CHRDL1: variants seen among roughly 807,000 people sequenced by gnomAD.
CHRDL1 encodes chordin-like protein 1.
Under a neutral mutation model 40.9 loss-of-function variants are expected in CHRDL1, and 19 were observed. The ratio of observed to expected loss-of-function variants is 0.46; its 90% confidence interval spans 0.32 to 0.68. CHRDL1 has a LOEUF of 0.68. CHRDL1 is among the 30% of genes least tolerant of loss of function. CHRDL1 has a pLI of 0.03. For synonymous variants in CHRDL1, 136 were observed against 123.4 expected (o/e 1.10, Z -0.68); for missense variants, 329 against 352.1 (o/e 0.93, Z 0.53).
chrX:110,716,125 T>A (rs912320947), intron 6 of CHRDL1, among the ~76,000 whole-genome samples: 2 of 112,262 alleles, frequency 1.8e-5, no homozygotes, highest in African/African-American at 3.2e-5. Flanking sequence ...CAAAAAGCAA[T>A]GTTAACTGTA....
chrX:110,679,226 C>T (rs1338721318), intron 11 of CHRDL1, 110 bp downstream of exon 11: 1 of 554,998 alleles, frequency 1.8e-6, no homozygotes, highest in Non-Finnish European at 3.2e-6. Flanking sequence ...AGTGTTGATA[C>T]TGAGCAGTGC....
At chrX:110,747,225 C>A (rs1603218153) in intron 4 of CHRDL1, among the ~76,000 whole-genome samples, 1 of 110,965 alleles carries the variant, frequency 9.0e-6, no homozygotes, top group Non-Finnish European at 1.9e-5. Flanking sequence ...CAGATGGCTT[C>A]ATCCAGATGC....
At chrX:110,763,803 A>C (rs931552404) in intron 2 of CHRDL1, among the ~76,000 whole-genome samples, 4 of 111,785 alleles carry the variant, frequency 3.6e-5, no homozygotes, top group African/African-American at 1.3e-4. Context: ...TAATTATTTA[A>C]GGAATCTCCA....
At chrX:110,746,529 C>T (rs1569477818) in intron 4 of CHRDL1, among the ~76,000 whole-genome samples, 1 of 111,078 alleles carries the variant, frequency 9.0e-6, no homozygotes, top group Non-Finnish European at 1.9e-5. Context: ...CATACTCACA[C>T]AGGCACCTCT....
chrX:110,709,686 C>T (rs1427038393), intron 6 of CHRDL1, among the ~76,000 whole-genome samples: 2 of 111,995 alleles, frequency 1.8e-5, no homozygotes, highest in Non-Finnish European at 3.8e-5. Flanking sequence ...GTACAATTTA[C>T]AAAGTTATAA....
intron 11 of CHRDL1, among the ~76,000 whole-genome samples, chrX:110,678,573 G>C (rs182204600): frequency 7.6e-4 from 84 of 110,920 alleles, no homozygotes; most frequent in African/African-American, 2.5e-3. Flanking sequence ...CCTCCTCCCC[G>C]AAGCCTTCCC....
chrX:110,759,035 T>C (rs963533338), intron 4 of CHRDL1, among the ~76,000 whole-genome samples: 4 of 111,865 alleles, frequency 3.6e-5, no homozygotes, highest in Non-Finnish European at 3.8e-5. Flanking sequence ...CAAAGTGTCA[T>C]TGAGGGAGCC....
At chrX:110,729,528 T>C (rs1015985238) in intron 4 of CHRDL1, among the ~76,000 whole-genome samples, 4 of 111,934 alleles carry the variant, frequency 3.6e-5, no homozygotes, top group Non-Finnish European at 7.5e-5. Flanking sequence ...AAGTAATTCA[T>C]ACTGAAATGA....
chrX:110,703,367 T>C (rs1022459461), intron 6 of CHRDL1, among the ~76,000 whole-genome samples: 42 of 112,305 alleles, frequency 3.7e-4, no homozygotes, highest in Non-Finnish European at 7.5e-4. Context: ...ATATATACTC[T>C]TTTCTGCCTG....
intron 4 of CHRDL1, among the ~76,000 whole-genome samples, chrX:110,743,804 G>A (rs758510818): frequency 8.9e-6 from 1 of 111,949 alleles, no homozygotes; most frequent in South Asian, 3.8e-4. Context: ...GGGTGTGGGT[G>A]TGAGCCTGTG....
chrX:110,715,021 G>A (rs2070816321), intron 6 of CHRDL1, among the ~76,000 whole-genome samples: 1 of 111,610 alleles, frequency 9.0e-6, no homozygotes, highest in Non-Finnish European at 1.9e-5. Context: ...GGCAATGAAA[G>A]AACAACAATT....
intron 7 of CHRDL1, among the ~76,000 whole-genome samples, chrX:110,698,951 C>T (rs2070456718): frequency 8.9e-6 from 1 of 112,227 alleles, no homozygotes; most frequent in Non-Finnish European, 1.9e-5. Flanking sequence ...GAACAGACAA[C>T]ACAGAAAACT....
At chrX:110,761,931 G>C (rs995364385) in intron 3 of CHRDL1, among the ~76,000 whole-genome samples, 1 of 112,541 alleles carries the variant, frequency 8.9e-6, no homozygotes, top group Non-Finnish European at 1.9e-5. Context: ...ACAGGCCAAC[G>C]TTTCACAAAC....
intron 4 of CHRDL1, among the ~76,000 whole-genome samples, chrX:110,751,551 A>G (rs1390222480): frequency 8.9e-6 from 1 of 112,118 alleles, no homozygotes; most frequent in Non-Finnish European, 1.9e-5. Context: ...TCAGAAAAAT[A>G]CAAATCAAAG....
At chrX:110,724,107 TG>T (rs11356698) in intron 4 of CHRDL1, among the ~76,000 whole-genome samples, 22,904 of 111,891 alleles carry the variant, frequency 0.2, 1,884 homozygotes, top group Middle Eastern at 0.31. Context: ...CAGCATTTTG[TG>T]GTGAAGGAAA....
intron 2 of CHRDL1, among the ~76,000 whole-genome samples, chrX:110,767,403 C>T (rs1425466203): frequency 1.8e-5 from 2 of 110,169 alleles, no homozygotes; most frequent in African/African-American, 6.6e-5. Context: ...GTCAAACTGT[C>T]CCAGTTTGCT....
At chrX:110,775,006 G>C (rs192249517) in intron 2 of CHRDL1, among the ~76,000 whole-genome samples, 5 of 111,806 alleles carry the variant, frequency 4.5e-5, no homozygotes, top group African/African-American at 1.3e-4. Flanking sequence ...CAGTCTCTGT[G>C]ACTTCCACAG....
chrX:110,748,069 G>A (rs1323937958), intron 4 of CHRDL1, among the ~76,000 whole-genome samples: 1 of 111,368 alleles, frequency 9.0e-6, no homozygotes, highest in East Asian at 2.8e-4. Context: ...CTCCCCCTTT[G>A]GAAGTGGAAG....
chrX:110,698,145 A>G (rs142595939), intron 7 of CHRDL1, among the ~76,000 whole-genome samples: 40 of 111,390 alleles, frequency 3.6e-4, no homozygotes, highest in East Asian at 3.4e-3. Flanking sequence ...TCTCCTGGAT[A>G]AGAAATCTGT....
Sources: gnomAD v4.1 joint callset for allele counts (sites outside exome capture counted in the v4.1 genomes callset) on GRCh38, gnomAD v4.1.1 for gene constraint, MANE v1.5 for transcripts, NCBI Gene and HGNC (gene_info 2026-07-23, HGNC 2026-07-21) for gene names.